Variants in CPE observed in about 807,000 individuals in gnomAD.
CPE encodes the protein carbocypeptidase E.
A neutral mutation model predicts 53.5 loss-of-function variants in CPE; 17 were observed. The observed-to-expected ratio is 0.32, with a 90% CI of 0.22 to 0.48. The LOEUF (loss-of-function observed/expected upper bound fraction) is 0.48. Ranked by LOEUF, CPE falls within the 20% of genes least tolerant of loss-of-function variation. CPE has a pLI of 0.99. For missense variants in CPE, 524 were observed against 614.7 expected (o/e 0.85, Z 1.56); for synonymous variants, 226 against 228.8 (o/e 0.99, Z 0.11).
In CPE at chr4:165,456,858, A is replaced by T. The variant is rs1731912179; in HGVS notation, c.308-7532A>T. Among the ~76,000 whole-genome samples the T allele has an allele frequency of 2.0e-5, 3 of 149,412 alleles. No homozygotes were observed. The South Asian group carries it at 6.3e-4, about 31-fold the overall frequency. On this transcript the variant is annotated intron_variant, in intron 1 of 8. Coordinates refer to ENST00000402744, the MANE Select transcript of CPE (RefSeq NM_001873.4). ...CCAGGTTTAAGCAGTTCTCTGCCTC[A>T]GCCTCCTGAGTAGCTGGGATTACAG...
intron 1 of CPE, chr4:165,415,040 T>C: frequency 6.2e-6 from 1 of 160,456 alleles, no homozygotes. Flanking sequence ...GCATTGGTTT[T>C]GAATCTTTAA....
rs140943574 is a variant in CPE, at chr4:165,383,618, G to A, written c.307+4090G>A. On this transcript the variant is annotated intron_variant, in intron 1 of 8. Coordinates refer to ENST00000402744, the MANE Select transcript of CPE (RefSeq NM_001873.4). ...AAAGGCTGGAATGATTATTTTGGAC[G>A]TATTCCTCTCTGAATCTGTTAAAAT... Among the ~76,000 whole-genome samples the A allele has an allele frequency of 3.3e-3, 499 of 152,202 alleles. 4 individuals are homozygous for A. The highest frequency in any genetic ancestry group is 0.012 in the African/African-American group (484 of 41,526).
intron 1 of CPE, among the ~76,000 whole-genome samples, chr4:165,439,343 G>A (rs1731569174): frequency 6.6e-6 from 1 of 152,134 alleles, no homozygotes; most frequent in Admixed American, 6.5e-5. Context: ...AATGGATAAG[G>A]TAGAAGAAGA....
At chr4:165,481,432 A>G (rs1732410184) in intron 3 of CPE, among the ~76,000 whole-genome samples, 1 of 152,246 alleles carries the variant, frequency 6.6e-6, no homozygotes, top group Non-Finnish European at 1.5e-5. Flanking sequence ...AAAGAACAGC[A>G]TGGATCACGT....
intron 4 of CPE, among the ~76,000 whole-genome samples, chr4:165,482,961 T>C: frequency 6.6e-6 from 1 of 152,174 alleles, no homozygotes; most frequent in Admixed American, 6.5e-5. Context: ...TCTGGGGCCT[T>C]TGAAGAGTTA....
At chr4:165,431,674 A>T (rs1326843517) in intron 1 of CPE, among the ~76,000 whole-genome samples, 3 of 152,200 alleles carry the variant, frequency 2.0e-5, no homozygotes, top group Non-Finnish European at 2.9e-5. Flanking sequence ...TTATATAATC[A>T]TGGTAATTGA....
At chr4:165,440,205 C>T (rs1448813138) in intron 1 of CPE, among the ~76,000 whole-genome samples, 4 of 152,004 alleles carry the variant, frequency 2.6e-5, no homozygotes, top group Non-Finnish European at 4.4e-5. Context: ...CAGAAAAACT[C>T]CTAATGTTCT....
chr4:165,412,411 A>G (rs564411971), intron 1 of CPE, among the ~76,000 whole-genome samples: 324 of 152,348 alleles, frequency 2.1e-3, no homozygotes, highest in African/African-American at 7.3e-3. Flanking sequence ...ATACCAGGAA[A>G]AATTCTAGTT....
At position 165,399,445 on chromosome 4, in the gene CPE, A is replaced by G. The variant is rs1579243409; in HGVS notation, c.307+19917A>G. 2.0e-5 allele frequency among the ~76,000 whole-genome samples: 3 copies of G among 152,056 alleles called. 1 individual carries two copies. In the South Asian group the frequency reaches 6.2e-4, roughly 32 times the overall value. Reference sequence around the variant, plus strand: ...AGTGGCACGATCTCGGCTCACTGCAACCTCCACCTCCCAAGTTCAAGCGAT... The same window carrying G: ...AGTGGCACGATCTCGGCTCACTGCAGCCTCCACCTCCCAAGTTCAAGCGAT... On this transcript the variant is annotated intron_variant, in intron 1 of 8. Transcript: ENST00000402744.
At position 165,497,863 on chromosome 4, in the gene CPE, T is replaced by G. The variant is rs2126721272; in HGVS notation, c.*253T>G. ...AAAAGTATAGAAAAGATTTAAGTAA[T>G]TTTGCCATCCTAGGCTTAAATGCAA... On this transcript the variant is annotated 3_prime_UTR_variant, in exon 9 of 9. Coordinates refer to ENST00000402744, the MANE Select transcript of CPE (RefSeq NM_001873.4). The G allele has an allele frequency of 9.2e-6, 2 of 217,474 alleles. 1 individual carries two copies. The highest frequency in any genetic ancestry group is 3.7e-4 in the South Asian group (2 of 5,396). The allele number at this position is 217,474 out of a possible 1,614,324, so 13.5% of individuals were successfully genotyped here. A position where few individuals can be genotyped will look rare whatever the true frequency, so the allele number is the denominator to read the frequency against.
chr4:165,433,791 C>A (rs1418460216), intron 1 of CPE, among the ~76,000 whole-genome samples: 1 of 152,194 alleles, frequency 6.6e-6, no homozygotes, highest in Non-Finnish European at 1.5e-5. Context: ...CAGAGGATAT[C>A]CTGTCAGGCC....
intron 2 of CPE, among the ~76,000 whole-genome samples, chr4:165,466,475 A>G (rs1732106034): frequency 6.6e-6 from 1 of 152,102 alleles, no homozygotes; most frequent in Non-Finnish European, 1.5e-5. Context: ...ATTTATAAAA[A>G]CTATTTTTCT....
At position 165,455,998 on chromosome 4, in the gene CPE, T is replaced by G. The variant is rs564996251; in HGVS notation, c.308-8392T>G. Among the ~76,000 whole-genome samples, 37 of 152,274 alleles carry G rather than the reference T, an allele frequency of 2.4e-4. 1 individual carries two copies. The highest frequency in any genetic ancestry group is 2.3e-3 in the Admixed American group (35 of 15,294). On this transcript the variant is annotated intron_variant, in intron 1 of 8. Coordinates refer to ENST00000402744, the MANE Select transcript of CPE (RefSeq NM_001873.4). Reference sequence around the variant, plus strand: ...AATCTGAAGGCTTTCATAGGTAGCTTCTTCTTGAATGGTAATAATAAGGTG... The same window carrying G: ...AATCTGAAGGCTTTCATAGGTAGCTGCTTCTTGAATGGTAATAATAAGGTG...
rs1392219557 is a variant in CPE, at chr4:165,441,149, A to G, written c.308-23241A>G. Among the ~76,000 whole-genome samples, 4 of 152,120 alleles carry G rather than the reference A, an allele frequency of 2.6e-5. No homozygotes were observed. The East Asian group carries it at 5.8e-4, about 22-fold the overall frequency. ...GGGTTTGCTCAGGATGGCCCCATTT[A>G]TGACTGTTTCCCTGGCAGAATTAAT... On this transcript the variant is annotated intron_variant, in intron 1 of 8. Coordinates refer to ENST00000402744, the MANE Select transcript of CPE (RefSeq NM_001873.4).
intron 1 of CPE, among the ~76,000 whole-genome samples, chr4:165,438,778 C>A (rs867553000): frequency 1.3e-5 from 2 of 152,134 alleles, no homozygotes; most frequent in African/African-American, 4.8e-5. Context: ...TTGACTGGGG[C>A]AATACTTTAT....
chr4:165,427,105 A>G (rs578037625), intron 1 of CPE, among the ~76,000 whole-genome samples: 1 of 152,248 alleles, frequency 6.6e-6, no homozygotes, highest in African/African-American at 2.4e-5. Flanking sequence ...GTGTTAGAGG[A>G]CGGAATTTTC....
chr4:165,384,866 G>C (rs942500799), intron 1 of CPE, among the ~76,000 whole-genome samples: 3 of 152,102 alleles, frequency 2.0e-5, no homozygotes, highest in African/African-American at 7.2e-5. Context: ...TAGTGTAGTG[G>C]TTTATGTAGA....
intron 3 of CPE, among the ~76,000 whole-genome samples, chr4:165,469,308 C>T (rs1732159460): frequency 6.6e-6 from 1 of 152,164 alleles, no homozygotes; most frequent in Admixed American, 6.5e-5. Context: ...TTTCATATGT[C>T]CCCTACATGT....
intron 1 of CPE, among the ~76,000 whole-genome samples, chr4:165,451,308 T>C (rs1001907198): frequency 1.3e-5 from 2 of 152,176 alleles, no homozygotes; most frequent in African/African-American, 2.4e-5. Context: ...TGGAAGTTTC[T>C]AAGTCTCCAA....
Sources: gnomAD v4.1 joint callset for allele counts (sites outside exome capture counted in the v4.1 genomes callset) on GRCh38, gnomAD v4.1.1 for gene constraint, MANE v1.5 for transcripts, NCBI Gene and HGNC (gene_info 2026-07-23, HGNC 2026-07-21) for gene names.